The following MECOM variants were observed in gnomAD, a reference collection of about 807,000 sequenced individuals.
MECOM encodes the protein MDS1 and EVI1 complex locus.
A neutral mutation model predicts 116.3 loss-of-function variants in MECOM; 13 were observed. The ratio of observed to expected loss-of-function variants is 0.11; its 90% confidence interval spans 0.07 to 0.18. The LOEUF (loss-of-function observed/expected upper bound fraction) is 0.18. Among genes scored for constraint, MECOM ranks in the 10% least tolerant of loss-of-function variants. The pLI is 1.00. For missense variants in MECOM, 1,299 were observed against 1,509.0 expected (o/e 0.86, Z 2.31); for synonymous variants, 528 against 535.2 (o/e 0.99, Z 0.19).
rs116476484 is a variant in MECOM, at chr3:169,227,974, T to A, written c.376-84142A>T. 7.6e-3 allele frequency among the ~76,000 whole-genome samples: 1,161 copies of A among 152,196 alleles called. 14 individuals are homozygous for A. The highest frequency in any genetic ancestry group is 0.027 in the African/African-American group (1,110 of 41,534). On this transcript the variant is annotated intron_variant, in intron 2 of 16. Coordinates refer to ENST00000651503, the MANE Select transcript of MECOM (RefSeq NM_004991.4). The stretch of plus-strand genomic sequence containing the variant: ...TCTTTCTCCCACAGCCCAAGAACAA[T>A]TGAGACAAATACATTCAAAGGTCAA...
At chr3:169,202,654 T>C (rs981987524) in intron 2 of MECOM, among the ~76,000 whole-genome samples, 2 of 151,930 alleles carry the variant, frequency 1.3e-5, no homozygotes, top group African/African-American at 4.8e-5. Flanking sequence ...ATTATTTCTA[T>C]GGTACAGTTC....
At chr3:169,299,291 A>T (rs1221770428) in intron 2 of MECOM, among the ~76,000 whole-genome samples, 1 of 152,026 alleles carries the variant, frequency 6.6e-6, no homozygotes, top group African/African-American at 2.4e-5. Flanking sequence ...CGCCGCCCAA[A>T]CCGAGGCCAA....
chr3:169,164,946 AT>A (rs1267086012), intron 2 of MECOM, among the ~76,000 whole-genome samples: 1 of 152,186 alleles, frequency 6.6e-6, no homozygotes, highest in Non-Finnish European at 1.5e-5. Flanking sequence ...CTCATGTCAT[AT>A]TCCTTGTCTG....
intron 2 of MECOM, among the ~76,000 whole-genome samples, chr3:169,360,259 G>C (rs543154593): frequency 7.4e-6 from 1 of 136,014 alleles, no homozygotes; most frequent in Non-Finnish European, 1.5e-5. Flanking sequence ...AGATGAACCC[G>C]GTACCTCAGA....
At chr3:169,561,266 G>A (rs1396413303) in intron 1 of MECOM, among the ~76,000 whole-genome samples, 7 of 151,884 alleles carry the variant, frequency 4.6e-5, no homozygotes, top group Non-Finnish European at 1.5e-5. Context: ...ATCTAATAAA[G>A]CACATAAGAG....
chr3:169,118,724 TAAA>T (rs11359363), intron 7 of MECOM, among the ~76,000 whole-genome samples: 2 of 150,912 alleles, frequency 1.3e-5, no homozygotes, highest in Admixed American at 6.6e-5. Flanking sequence ...TCAGATGGCT[TAAA>T]AAAAAAAAAT....
intron 2 of MECOM, among the ~76,000 whole-genome samples, chr3:169,221,243 A>G (rs1049202533): frequency 6.6e-6 from 1 of 152,242 alleles, no homozygotes; most frequent in Non-Finnish European, 1.5e-5. Context: ...GTTAACTAAT[A>G]GTATCATCAT....
intron 2 of MECOM, among the ~76,000 whole-genome samples, chr3:169,331,966 T>C (rs371970411): frequency 8.5e-5 from 12 of 141,456 alleles, no homozygotes; most frequent in African/African-American, 3.2e-4. Context: ...TACATTTACA[T>C]AGAAACCAGA....
chr3:169,150,994 T>C (rs1006678700), intron 2 of MECOM, among the ~76,000 whole-genome samples: 2 of 152,232 alleles, frequency 1.3e-5, no homozygotes, highest in African/African-American at 4.8e-5. Flanking sequence ...TCTGCCTTCA[T>C]TGTGTAACTG....
Position 169,113,015 on chromosome 3 carries a change from G to A in MECOM, c.2490-141C>T, listed in dbSNP as rs565305080. 44 of 591,494 alleles carry A rather than the reference G, an allele frequency of 7.4e-5. 1 individual carries two copies. The highest frequency in any genetic ancestry group is 5.8e-4 in the African/African-American group (31 of 53,622). The allele number at this position is 591,494 out of a possible 1,614,324, so 36.6% of individuals were successfully genotyped here. On this transcript the variant is annotated intron_variant, in intron 8 of 16. Coordinates refer to ENST00000651503, the MANE Select transcript of MECOM (RefSeq NM_004991.4). ...CACTCATAAAACTATAGAGACATCTGTCCAGTTCTTGGAGATTCCTCATGA... is the reference window on the plus strand; with the variant it reads ...CACTCATAAAACTATAGAGACATCTATCCAGTTCTTGGAGATTCCTCATGA...
At chr3:169,585,103 A>C (rs1263224925) in intron 1 of MECOM, among the ~76,000 whole-genome samples, 1 of 152,272 alleles carries the variant, frequency 6.6e-6, no homozygotes, top group Non-Finnish European at 1.5e-5. Context: ...ATATTGGACA[A>C]GATGACCAAT....
intron 1 of MECOM, among the ~76,000 whole-genome samples, chr3:169,568,707 C>T (rs372123670): frequency 6.6e-6 from 1 of 152,174 alleles, no homozygotes; most frequent in Admixed American, 6.5e-5. Context: ...GAAATAAAAG[C>T]AGCAGCCCCA....
intron 2 of MECOM, among the ~76,000 whole-genome samples, chr3:169,317,001 G>A (rs16853499): frequency 6.6e-6 from 1 of 151,964 alleles, no homozygotes; most frequent in Non-Finnish European, 1.5e-5. Flanking sequence ...ATCAAAAAGG[G>A]CATGATTCCA....
intron 2 of MECOM, among the ~76,000 whole-genome samples, chr3:169,368,909 G>C (rs1292966115): frequency 6.6e-6 from 1 of 152,000 alleles, no homozygotes; most frequent in Non-Finnish European, 1.5e-5. Flanking sequence ...TTTGTTTTGG[G>C]ATAAACAATT....
intron 3 of MECOM, among the ~76,000 whole-genome samples, chr3:169,135,615 C>T (rs1736119635): frequency 6.6e-6 from 1 of 151,918 alleles, no homozygotes; most frequent in South Asian, 2.1e-4. Flanking sequence ...TCCAGAAGCA[C>T]AACATGTTAT....
At chr3:169,170,940 A>G (rs1331715447) in intron 2 of MECOM, among the ~76,000 whole-genome samples, 2 of 152,234 alleles carry the variant, frequency 1.3e-5, no homozygotes, top group Non-Finnish European at 2.9e-5. Flanking sequence ...TATACATTAC[A>G]GAACAGCCTT....
At chr3:169,662,641 C>T (rs867775804) in intron 1 of MECOM, among the ~76,000 whole-genome samples, 1 of 150,604 alleles carries the variant, frequency 6.6e-6, no homozygotes, top group African/African-American at 2.4e-5. Context: ...GTCCTCCCGC[C>T]GCGCAGCGCC....
intron 1 of MECOM, among the ~76,000 whole-genome samples, chr3:169,559,509 G>C (rs1762414275): frequency 6.6e-6 from 1 of 152,066 alleles, no homozygotes; most frequent in Admixed American, 6.6e-5. Flanking sequence ...ACACCTCCTG[G>C]GGTGTACACT....
chr3:169,608,317 T>G (rs1031103110), intron 1 of MECOM, among the ~76,000 whole-genome samples: 1 of 152,214 alleles, frequency 6.6e-6, no homozygotes, highest in Non-Finnish European at 1.5e-5. Flanking sequence ...CCAGCTTTCC[T>G]GCATACCCCT....
Sources: allele counts gnomAD v4.1 joint callset (sites outside exome capture counted in the v4.1 genomes callset), GRCh38; gene constraint gnomAD v4.1.1; transcripts MANE v1.5; gene names NCBI Gene and HGNC (gene_info 2026-07-23, HGNC 2026-07-21).